Variants in OXCT1 observed in about 807,000 individuals in gnomAD.
The protein encoded by OXCT1 is succinyl-CoA:3-ketoacid coenzyme A transferase 1, mitochondrial.
Under a neutral mutation model 69.6 loss-of-function variants are expected in OXCT1, and 27 were observed. The ratio of observed to expected loss-of-function variants is 0.39; its 90% CI spans 0.29 to 0.54. The LOEUF is 0.54. Ranked by LOEUF, OXCT1 falls within the 20% of genes least tolerant of loss-of-function variation. The pLI is 0.72. For synonymous variants in OXCT1, 202 were observed against 217.8 expected, an observed-to-expected ratio of 0.93 and a Z score of 0.64; for missense variants, 437 against 650.2, an observed-to-expected ratio of 0.67 and a Z score of 3.57.
chr5:41,798,351 C>G (rs1298257082), intron 11 of OXCT1, among the ~76,000 whole-genome samples: 1 of 152,148 alleles, frequency 6.6e-6, no homozygotes, highest in African/African-American at 2.4e-5. Context: ...ATACATATAC[C>G]TCTAGAGCAG....
intron 8 of OXCT1, among the ~76,000 whole-genome samples, chr5:41,806,627 T>G (rs1376880075): frequency 1.3e-5 from 2 of 152,076 alleles, no homozygotes; most frequent in Admixed American, 1.3e-4. Context: ...TCTCTCTCTC[T>G]CGCCTTGTGA....
intron 8 of OXCT1, among the ~76,000 whole-genome samples, chr5:41,806,682 T>G (rs1332453754): frequency 6.6e-6 from 1 of 152,076 alleles, no homozygotes; most frequent in Non-Finnish European, 1.5e-5. Flanking sequence ...AAAAGCTTCC[T>G]GAGGTCCTGA....
intron 16 of OXCT1, among the ~76,000 whole-genome samples, chr5:41,738,990 T>G (rs1190632230): frequency 6.6e-6 from 1 of 152,216 alleles, no homozygotes; most frequent in African/African-American, 2.4e-5. Context: ...AAGTCATAGA[T>G]GGGTTTAAAA....
chr5:41,781,611 C>T (rs566098141), intron 13 of OXCT1, among the ~76,000 whole-genome samples: 24 of 152,258 alleles, frequency 1.6e-4, no homozygotes, highest in African/African-American at 5.1e-4. Flanking sequence ...TCGCTCCCCC[C>T]ATACCCCAAC....
intron 7 of OXCT1, among the ~76,000 whole-genome samples, chr5:41,832,558 G>C (rs1294387297): frequency 6.6e-6 from 1 of 152,044 alleles, no homozygotes; most frequent in Non-Finnish European, 1.5e-5. Flanking sequence ...GCACTAACAA[G>C]ACAAGACCAC....
intron 14 of OXCT1, among the ~76,000 whole-genome samples, chr5:41,759,840 A>G (rs1267816994): frequency 6.6e-6 from 1 of 151,784 alleles, no homozygotes; most frequent in Non-Finnish European, 1.5e-5. Flanking sequence ...ACAAACAAAC[A>G]AAAAAAACAG....
intron 13 of OXCT1, 73 bp downstream of exon 13, chr5:41,793,930 G>A (rs749196791): frequency 7.8e-5 from 68 of 874,518 alleles, no homozygotes; most frequent in Non-Finnish European, 1.2e-4. Context: ...TGATCTCATG[G>A]CCCTTTTTCT....
At chr5:41,853,652 A>T (rs1462834356) in intron 3 of OXCT1, 98 bp from the exon 4 acceptor site, 1 of 1,348,958 alleles carries the variant, frequency 7.4e-7, no homozygotes, top group Admixed American at 1.9e-5. Context: ...AAGAAAAATA[A>T]ATCCTTTCTT....
At chr5:41,841,322 A>G (rs1748617147) in intron 6 of OXCT1, among the ~76,000 whole-genome samples, 1 of 152,198 alleles carries the variant, frequency 6.6e-6, no homozygotes, top group Non-Finnish European at 1.5e-5. Flanking sequence ...GTACAGGAAT[A>G]GGAGCATCCT....
chr5:41,854,331 A>AT (rs1274262613), intron 3 of OXCT1, among the ~76,000 whole-genome samples: 1 of 152,094 alleles, frequency 6.6e-6, no homozygotes, highest in East Asian at 1.9e-4. Flanking sequence ...TGTTGACTTT[A>AT]TTTTTTCATT....
rs1742582278 is a variant in OXCT1, at chr5:41,730,801, A to G, written c.*928T>C. The G allele has an allele frequency of 6.6e-6, 1 of 152,238 alleles. No individual in the cohort carries two copies. Among genetic ancestry groups the G allele is most frequent in the African/African-American group, 2.4e-5 (1 of 41,472 alleles). The allele number at this position is 152,238 out of a possible 1,614,324, so 9.4% of individuals were successfully genotyped here. On this transcript the variant is annotated 3_prime_UTR_variant, in exon 17 of 17. Transcript: ENST00000196371. ...TCGTTAAAGGAAGTAGCCTTGGCAG[A>G]AGAAAAACCGTTGTTCTGTAGAAGT...
intron 13 of OXCT1, among the ~76,000 whole-genome samples, chr5:41,768,972 T>C (rs1423583585): frequency 6.6e-6 from 1 of 152,144 alleles, no homozygotes; most frequent in African/African-American, 2.4e-5. Flanking sequence ...TGCTTGTACA[T>C]AGCATATGGC....
chr5:41,819,810 G>A (rs562732634), intron 7 of OXCT1, among the ~76,000 whole-genome samples: 1 of 152,162 alleles, frequency 6.6e-6, no homozygotes, highest in African/African-American at 2.4e-5. Flanking sequence ...TTTATGAAGG[G>A]GCTCTGTGGG....
chr5:41,796,512 A>T (rs1746189908), intron 11 of OXCT1, among the ~76,000 whole-genome samples: 2 of 152,210 alleles, frequency 1.3e-5, no homozygotes, highest in African/African-American at 2.4e-5. Flanking sequence ...ATATCCTCAG[A>T]TTCTCAAGTC....
intron 13 of OXCT1, among the ~76,000 whole-genome samples, chr5:41,771,220 T>C (rs929421256): frequency 3.9e-5 from 6 of 152,126 alleles, no homozygotes; most frequent in African/African-American, 1.4e-4. Flanking sequence ...TTCAAGAGGG[T>C]CTCCATAGTT....
At chr5:41,757,519 C>T (rs1370191491) in intron 14 of OXCT1, among the ~76,000 whole-genome samples, 1 of 152,074 alleles carries the variant, frequency 6.6e-6, no homozygotes, top group Admixed American at 6.6e-5. Context: ...TTCATTTCCT[C>T]AGAGCCTATG....
intron 7 of OXCT1, among the ~76,000 whole-genome samples, chr5:41,827,169 AC>A (rs1200647625): frequency 1.3e-5 from 2 of 152,142 alleles, no homozygotes; most frequent in Non-Finnish European, 2.9e-5. Context: ...TAAAATTATG[AC>A]CTTTCCAAAT....
At chr5:41,860,951 T>C (rs1749703083) in intron 3 of OXCT1, among the ~76,000 whole-genome samples, 1 of 152,112 alleles carries the variant, frequency 6.6e-6, no homozygotes, top group Non-Finnish European at 1.5e-5. Flanking sequence ...TTATAAATGA[T>C]CTAATAAATA....
intron 2 of OXCT1, among the ~76,000 whole-genome samples, chr5:41,861,949 G>A (rs958214030): frequency 2.0e-5 from 3 of 152,142 alleles, no homozygotes; most frequent in Admixed American, 2.0e-4. Context: ...GGTGGCTCAC[G>A]CCTGTAATCC....
Sources: allele counts gnomAD v4.1 joint callset (sites outside exome capture counted in the v4.1 genomes callset), GRCh38; gene constraint gnomAD v4.1.1; transcripts MANE v1.5; gene names NCBI Gene and HGNC (gene_info 2026-07-23, HGNC 2026-07-21).